SLC10A1: variants seen among roughly 807,000 people sequenced by gnomAD.
SLC10A1 encodes solute carrier family 10 member 1.
SLC10A1 carries 36 observed loss-of-function variants against 20.5 expected under a neutral mutation model. That is an observed-to-expected ratio of 1.75 (90% CI 1.34 to 2.32). The LOEUF (loss-of-function observed/expected upper bound fraction) is 2.32. Among genes scored for constraint, SLC10A1 ranks in the 30% most tolerant of loss-of-function variants. The pLI is 0.00. For synonymous variants in SLC10A1, 188 were observed against 163.6 expected, an observed-to-expected ratio of 1.15 and a Z score of -1.14; for missense variants, 545 against 439.1, an observed-to-expected ratio of 1.24 and a Z score of -2.16.
In SLC10A1 at chr14:69,776,208, GCTGCTCTCTCTAGTTTACCACA is replaced by G; in HGVS notation, c.*52_*73del. ...AGACTCAGGCAAGACTGGTGTTTTT[GCTGCTCTCTCTAGTTTACCACA>G]CTGGCTTTCAGAATTGCTTTGGGAC... is the stretch of plus-strand genomic sequence containing the variant. On this transcript the variant is annotated 3_prime_UTR_variant, in exon 5 of 5. Coordinates refer to ENST00000216540, the MANE Select transcript of SLC10A1 (RefSeq NM_003049.4). 1 of 1,034,418 alleles carries G rather than the reference GCTGCTCTCTCTAGTTTACCACA, an allele frequency of 9.7e-7. No homozygotes were observed. The highest frequency in any genetic ancestry group is 1.5e-6 in the Non-Finnish European group (1 of 677,764). 64.1% of individuals were successfully genotyped at this position (1,034,418 alleles called of 1,614,324 possible). A position where few individuals can be genotyped will look rare whatever the true frequency, so the allele number is the denominator to read the frequency against.
intron 1 of SLC10A1, among the ~76,000 whole-genome samples, chr14:69,792,596 C>T (rs368512813): frequency 1.1e-4 from 16 of 152,158 alleles, no homozygotes; most frequent in Admixed American, 2.0e-4. Context: ...TGCTAGGGAA[C>T]GTGTGAAGTG....
chr14:69,782,815 A>G (rs1268409436), intron 2 of SLC10A1, among the ~76,000 whole-genome samples: 1 of 151,992 alleles, frequency 6.6e-6, no homozygotes, highest in African/African-American at 2.4e-5. Flanking sequence ...CTCGAAAAAA[A>G]AAAAAAAAAA....
rs200420675 is a variant in SLC10A1 at position 69,779,262 on chromosome 14, C to T, written c.666G>A (p.Leu222=). Reference sequence around the variant, plus strand: ...AAGGCATCAGGGAGGAGGTGGCAATCAAGAGTGGTGTCATGGCAAACATGA... The same window carrying T: ...AAGGCATCAGGGAGGAGGTGGCAATTAAGAGTGGTGTCATGGCAAACATGA... ...KSIMFAMTPL[L]IATSSLMPFI... is the part of the protein sequence containing the mutation. The change falls in exon 3 of 5, where the codon TTG becomes TTA. Residue 222 remains leucine, a synonymous_variant. Coordinates refer to ENST00000216540, the MANE Select transcript of SLC10A1 (RefSeq NM_003049.4). 50 of 1,613,710 alleles carry T rather than the reference C, an allele frequency of 3.1e-5. No homozygotes were observed. Among genetic ancestry groups the T allele is most frequent in the Non-Finnish European group, 4.2e-5 (50 of 1,179,960 alleles).
intron 1 of SLC10A1, among the ~76,000 whole-genome samples, chr14:69,791,842 A>G (rs773121214): frequency 1.1e-4 from 16 of 152,236 alleles, no homozygotes; most frequent in Non-Finnish European, 2.1e-4. Flanking sequence ...AGTTCATGCC[A>G]TACATAAAAA....
At chr14:69,789,514 T>A (rs1229736797) in intron 1 of SLC10A1, among the ~76,000 whole-genome samples, 1 of 152,090 alleles carries the variant, frequency 6.6e-6, no homozygotes, top group Non-Finnish European at 1.5e-5. Flanking sequence ...GAAAGATTAG[T>A]GGTTGTCAAG....
intron 1 of SLC10A1, among the ~76,000 whole-genome samples, chr14:69,792,241 T>A (rs1347201034): frequency 6.6e-6 from 1 of 152,162 alleles, no homozygotes; most frequent in Non-Finnish European, 1.5e-5. Flanking sequence ...TTGGCAAATT[T>A]GACTAAATTA....
Position 69,797,027 on chromosome 14 carries a change from G to T in SLC10A1, c.129C>A (p.Gly43=), listed in dbSNP as rs1055812006. 1.2e-6 allele frequency: 2 copies of T among 1,614,126 alleles called. No individual in the cohort carries two copies. The highest frequency in any genetic ancestry group is 1.7e-6 in the Non-Finnish European group (2 of 1,180,050). The change falls in exon 1 of 5, where the codon GGC becomes GGA. Residue 43 remains glycine, a synonymous_variant. Coordinates refer to ENST00000216540, the MANE Select transcript of SLC10A1 (RefSeq NM_003049.4). ...TGATCTTGCTGAACTCCATGGTGCA[G>T]CCCAGCGAGAGCATGATGAAGAACA... ...FMLFFIMLSL[G]CTMEFSKIKA... is the part of the protein sequence containing the mutation.
intron 1 of SLC10A1, among the ~76,000 whole-genome samples, chr14:69,792,459 A>C (rs1035657445): frequency 7.2e-5 from 11 of 152,258 alleles, no homozygotes; most frequent in Non-Finnish European, 1.2e-4. Flanking sequence ...GAAATGTGGT[A>C]GGCCTCCCAT....
chr14:69,795,604 G>T (rs540897495), intron 1 of SLC10A1, among the ~76,000 whole-genome samples: 1 of 151,804 alleles, frequency 6.6e-6, no homozygotes, highest in South Asian at 2.1e-4. Context: ...GTAGACACAG[G>T]GTTTTGCTAT....
At chr14:69,779,069 G>T (rs1306621353) in intron 3 of SLC10A1, 113 bp downstream of exon 3, 7 of 741,374 alleles carry the variant, frequency 9.4e-6, no homozygotes, top group Non-Finnish European at 1.5e-5. Flanking sequence ...GCTGAGGCAG[G>T]AGGATCAGTT....
At chr14:69,781,979 A>C (rs1384243538) in intron 2 of SLC10A1, among the ~76,000 whole-genome samples, 1 of 152,226 alleles carries the variant, frequency 6.6e-6, no homozygotes, top group African/African-American at 2.4e-5. Flanking sequence ...GTAAGAGGCT[A>C]GGACAATCAT....
chr14:69,793,587 G>A (rs1384756700), intron 1 of SLC10A1, among the ~76,000 whole-genome samples: 1 of 152,158 alleles, frequency 6.6e-6, no homozygotes, highest in Non-Finnish European at 1.5e-5. Context: ...TCTCTATGAA[G>A]TGGAAAACTT....
chr14:69,780,007 A>G (rs1419894575), intron 2 of SLC10A1, among the ~76,000 whole-genome samples: 1 of 152,222 alleles, frequency 6.6e-6, no homozygotes, highest in African/African-American at 2.4e-5. Flanking sequence ...GCCAAGAGTC[A>G]TTTGAAACAA....
intron 2 of SLC10A1, among the ~76,000 whole-genome samples, chr14:69,785,856 G>A (rs1004275534): frequency 1.3e-5 from 2 of 150,452 alleles, no homozygotes; most frequent in Non-Finnish European, 3.0e-5. Flanking sequence ...TGATCCACCC[G>A]CCTCAACTTC....
intron 2 of SLC10A1, among the ~76,000 whole-genome samples, chr14:69,781,505 A>C (rs921812967): frequency 6.6e-6 from 1 of 152,232 alleles, no homozygotes; most frequent in Non-Finnish European, 1.5e-5. Flanking sequence ...GATTACAGAG[A>C]GGGAAGCAAT....
chr14:69,776,308 C>A lies in SLC10A1; in HGVS notation c.1024G>T (p.Glu342Ter). The change falls in exon 5 of 5, where the codon GAG (glutamate) becomes TAG (stop). Residue 342 changes from glutamate to a stop codon, truncating the protein, a stop_gained. Transcript: ENST00000216540. LOFTEE classifies it high-confidence loss of function. ...GALGNGTYKG[E>*]DCSPCTA ...TAGGCTGTGCAAGGGGAGCAGTCCT[C>A]CCCTTTGTAGGTGCCATTTCCCAGA... The A allele has an allele frequency of 6.2e-7, 1 of 1,613,458 alleles. No individual in the cohort carries two copies. The highest frequency in any genetic ancestry group is 8.5e-7 in the Non-Finnish European group (1 of 1,179,952).
chr14:69,786,002 T>C (rs1335812003), intron 2 of SLC10A1, 95 bp downstream of exon 2: 7 of 854,852 alleles, frequency 8.2e-6, no homozygotes, highest in South Asian at 3.2e-5. Context: ...TAGGAGCATA[T>C]GTATGTTTAT....
At chr14:69,791,467 A>G (rs1883837935) in intron 1 of SLC10A1, among the ~76,000 whole-genome samples, 1 of 151,900 alleles carries the variant, frequency 6.6e-6, no homozygotes, top group Non-Finnish European at 1.5e-5. Flanking sequence ...CGCCCAGCTA[A>G]TTTTTTGTAT....
chr14:69,788,615 G>T lies in SLC10A1; in HGVS notation c.357-2308C>A, dbSNP rs183757760. On this transcript the variant is annotated intron_variant, in intron 1 of 4. Coordinates refer to ENST00000216540, the MANE Select transcript of SLC10A1 (RefSeq NM_003049.4). Reference sequence around the variant, plus strand: ...GCTGGAGTGCAGTGGCGCAGTCTCGGCTCACTGCAAGCTCCGCCTCCTGGG... The same window carrying T: ...GCTGGAGTGCAGTGGCGCAGTCTCGTCTCACTGCAAGCTCCGCCTCCTGGG... Among the ~76,000 whole-genome samples, 14 of 151,864 alleles carry T rather than the reference G, an allele frequency of 9.2e-5. No homozygotes were observed. The East Asian group carries it at 2.7e-3, about 29-fold the overall frequency.
Sources: allele counts gnomAD v4.1 joint callset (sites outside exome capture counted in the v4.1 genomes callset), GRCh38; gene constraint gnomAD v4.1.1; transcripts MANE v1.5; gene names NCBI Gene and HGNC (gene_info 2026-07-23, HGNC 2026-07-21).